AGBL4: variants seen among roughly 807,000 people sequenced by gnomAD.
AGBL4 encodes AGBL carboxypeptidase 4.
AGBL4 carries 58 observed loss-of-function variants against 66.4 expected under a neutral mutation model. The ratio of observed to expected loss-of-function variants is 0.87; its 90% CI spans 0.71 to 1.09. The LOEUF (loss-of-function observed/expected upper bound fraction) is 1.09, where lower values mean the gene tolerates loss of function less well. Ranked by LOEUF, AGBL4 falls within the 50% of genes least tolerant of loss-of-function variation. The pLI is 0.00. For synonymous variants in AGBL4, 234 were observed against 222.9 expected (o/e 1.05, Z -0.44); for missense variants, 579 against 631.0 (o/e 0.92, Z 0.88).
chr1:48,859,535 C>A (rs1009080040), intron 6 of AGBL4, among the ~76,000 whole-genome samples: 1 of 152,138 alleles, frequency 6.6e-6, no homozygotes, highest in African/African-American at 2.4e-5. Context: ...CCAATTTGCA[C>A]TAAAGTCTTT....
intron 4 of AGBL4, among the ~76,000 whole-genome samples, chr1:49,139,101 G>T (rs189852988): frequency 3.9e-5 from 6 of 152,134 alleles, no homozygotes; most frequent in Admixed American, 3.9e-4. Flanking sequence ...AGAACAGCAA[G>T]GGGCAAATCC....
chr1:48,720,420 T>G (rs1421375002), intron 6 of AGBL4, among the ~76,000 whole-genome samples: 1 of 152,158 alleles, frequency 6.6e-6, no homozygotes, highest in South Asian at 2.1e-4. Context: ...AGATCTAAGG[T>G]AGCATCTAGC....
chr1:49,314,565 C>T lies in AGBL4; in HGVS notation c.283-68701G>A, dbSNP rs1000005295. Among the ~76,000 whole-genome samples, 4 of 151,988 alleles carry T rather than the reference C, an allele frequency of 2.6e-5. No individual in the cohort carries two copies. The South Asian group carries it at 6.2e-4, about 24-fold the overall frequency. ...GTCCCTGCAAAGGACATGAACTCAT[C>T]TTTTTTATGGCTGCATAGTATTCCA... On this transcript the variant is annotated intron_variant, in intron 3 of 13. Coordinates refer to ENST00000371839, the MANE Select transcript of AGBL4 (RefSeq NM_032785.4).
intron 3 of AGBL4, among the ~76,000 whole-genome samples, chr1:49,648,396 T>C (rs1571244842): frequency 6.8e-6 from 1 of 147,280 alleles, no homozygotes; most frequent in Admixed American, 6.7e-5. Flanking sequence ...ATGTGCAACA[T>C]ACACATAAAG....
At chr1:49,809,913 C>T (rs1043191574) in intron 2 of AGBL4, among the ~76,000 whole-genome samples, 2 of 152,102 alleles carry the variant, frequency 1.3e-5, no homozygotes, top group African/African-American at 2.4e-5. Context: ...TTTTCAAACA[C>T]CTGTCTATTT....
intron 7 of AGBL4, among the ~76,000 whole-genome samples, chr1:48,654,078 C>T (rs1020452784): frequency 6.6e-6 from 1 of 152,180 alleles, no homozygotes; most frequent in Non-Finnish European, 1.5e-5. Context: ...CTCACTGGCA[C>T]TAAAATCACC....
At chr1:48,777,262 C>T (rs772024414) in intron 6 of AGBL4, among the ~76,000 whole-genome samples, 11 of 152,072 alleles carry the variant, frequency 7.2e-5, no homozygotes, top group Non-Finnish European at 1.3e-4. Context: ...TCAACAATCG[C>T]GCTGCCAAAT....
At chr1:49,343,014 A>T (rs1645571098) in intron 3 of AGBL4, among the ~76,000 whole-genome samples, 2 of 152,186 alleles carry the variant, frequency 1.3e-5, no homozygotes, top group African/African-American at 4.8e-5. Context: ...AGTCAGATTA[A>T]CTAAAAGTGG....
chr1:48,747,528 A>T (rs1650962569), intron 6 of AGBL4, among the ~76,000 whole-genome samples: 1 of 152,230 alleles, frequency 6.6e-6, no homozygotes, highest in South Asian at 2.1e-4. Flanking sequence ...TTAACATGTG[A>T]AACACTATTA....
rs538836203 is a variant in AGBL4 at position 49,911,642 on chromosome 1, C to A, written c.35-60124G>T. On this transcript the variant is annotated intron_variant, in intron 1 of 13. Coordinates refer to ENST00000371839, the MANE Select transcript of AGBL4 (RefSeq NM_032785.4). ...AGTGGAGCCCAAAACCTAGGAGGGTCATTTTCAGAGTGTAAACTGATGCCC... is the reference window on the plus strand; with the variant it reads ...AGTGGAGCCCAAAACCTAGGAGGGTAATTTTCAGAGTGTAAACTGATGCCC... Among the ~76,000 whole-genome samples, 35 of 152,248 alleles carry A rather than the reference C, an allele frequency of 2.3e-4. 1 individual carries two copies. Among genetic ancestry groups the A allele is most frequent in the African/African-American group, 7.5e-4 (31 of 41,548 alleles).
intron 1 of AGBL4, among the ~76,000 whole-genome samples, chr1:49,912,986 T>C (rs1651008405): frequency 6.6e-6 from 1 of 152,244 alleles, no homozygotes; most frequent in African/African-American, 2.4e-5. Context: ...AACACTGTTA[T>C]AACGACAATT....
intron 6 of AGBL4, among the ~76,000 whole-genome samples, chr1:48,692,670 AG>A (rs1321365220): frequency 6.6e-6 from 1 of 152,192 alleles, no homozygotes; most frequent in Admixed American, 6.5e-5. Flanking sequence ...TTGTCTATAC[AG>A]GTGATCCAGG....
Position 48,922,771 on chromosome 1 carries a change from AATC to A in AGBL4, c.595-55544_595-55542del, listed in dbSNP as rs558470225. Among the ~76,000 whole-genome samples, 249 of 152,304 alleles carry A rather than the reference AATC, an allele frequency of 1.6e-3. 2 individuals carry two copies. The highest frequency in any genetic ancestry group is 0.01 in the Middle Eastern group (3 of 292). ...GTATAAATTCTAGGAAATTTTTAAT[AATC>A]ATTTCAAAGGAATATTCACATCATG... is the stretch of plus-strand genomic sequence containing the variant. On this transcript the variant is annotated intron_variant, in intron 5 of 13. Coordinates refer to ENST00000371839, the MANE Select transcript of AGBL4 (RefSeq NM_032785.4).
intron 3 of AGBL4, among the ~76,000 whole-genome samples, chr1:49,386,550 G>A (rs1050150554): frequency 6.6e-6 from 1 of 151,782 alleles, no homozygotes; most frequent in East Asian, 1.9e-4. Flanking sequence ...TGTGTTTTGG[G>A]GGAAGATTAG....
intron 11 of AGBL4, among the ~76,000 whole-genome samples, chr1:48,543,235 G>A (rs763398981): frequency 2.7e-4 from 41 of 152,282 alleles, no homozygotes; most frequent in Non-Finnish European, 1.3e-4. Context: ...GGGCATGCAG[G>A]GTAATATGCA....
At chr1:49,740,761 C>CAACTACATGGA (rs1650376692) in intron 2 of AGBL4, among the ~76,000 whole-genome samples, 1 of 152,196 alleles carries the variant, frequency 6.6e-6, no homozygotes, top group Admixed American at 6.5e-5. Context: ...CAGAACCACT[C>CAACTACATGGA]AACTACATGG....
intron 3 of AGBL4, among the ~76,000 whole-genome samples, chr1:49,498,126 T>C (rs535761239): frequency 6.6e-6 from 1 of 152,078 alleles, no homozygotes; most frequent in African/African-American, 2.4e-5. Context: ...TTTTCTTTTT[T>C]GTAGATGTTG....
intron 3 of AGBL4, among the ~76,000 whole-genome samples, chr1:49,400,801 C>T (rs1024250324): frequency 8.5e-5 from 13 of 152,254 alleles, no homozygotes; most frequent in Admixed American, 7.2e-4. Context: ...AAAATTGTAT[C>T]ATTTGCAAAC....
At chr1:48,530,325 C>T (rs1643898596), downstream of AGBL4, among the ~76,000 whole-genome samples, 1 of 152,160 alleles carries the variant, frequency 6.6e-6, no homozygotes, top group Non-Finnish European at 1.5e-5. Context: ...AGAACTACAC[C>T]TGACACACAG....
Sources: allele counts gnomAD v4.1 joint callset (sites outside exome capture counted in the v4.1 genomes callset), GRCh38; gene constraint gnomAD v4.1.1; transcripts MANE v1.5; gene names NCBI Gene and HGNC (gene_info 2026-07-23, HGNC 2026-07-21).